The following SMARCA2 variants were observed in gnomAD, a reference collection of about 807,000 sequenced individuals.
The protein encoded by SMARCA2 is SWI/SNF-related matrix-associated actin-dependent regulator of chromatin subfamily A member 2.
In SMARCA2, 61 loss-of-function variants were observed where a neutral mutation model predicts 199.8. The observed-to-expected ratio is 0.31, with a 90% confidence interval of 0.25 to 0.38. The LOEUF (loss-of-function observed/expected upper bound fraction) is 0.38, where lower values mean the gene tolerates loss of function less well. SMARCA2 is among the 10% of genes least tolerant of loss of function. The probability of loss-of-function intolerance (pLI) is 1.00; values close to 1 mark genes in which losing one functional copy is unlikely to be tolerated. For missense variants in SMARCA2, 1,344 were observed against 2,012.2 expected (o/e 0.67, Z 6.35); for synonymous variants, 935 against 732.0 (o/e 1.28, Z -4.48).
At position 2,024,858 on chromosome 9, in the gene SMARCA2, A is replaced by G. The variant is rs114986271; in HGVS notation, c.-36-4129A>G. Among the ~76,000 whole-genome samples the G allele has an allele frequency of 2.4e-3, 359 of 152,298 alleles. 1 individual carries two copies. Among genetic ancestry groups the G allele is most frequent in the African/African-American group, 8.3e-3 (344 of 41,556 alleles). ...CTGCCTTATTGCCCTCATCTTTTCA[A>G]TGGCGTTGTGGCAAAATGTCTCTTC... On this transcript the variant is annotated intron_variant, in intron 1 of 33. Transcript: ENST00000349721.
intron 9 of SMARCA2, among the ~76,000 whole-genome samples, chr9:2,070,188 G>A (rs1821029666): frequency 6.6e-6 from 1 of 152,142 alleles, no homozygotes; most frequent in Non-Finnish European, 1.5e-5. Context: ...CAAATCTCTA[G>A]TGTGCTGGCC....
intron 27 of SMARCA2, among the ~76,000 whole-genome samples, chr9:2,152,088 G>A (rs1009801336): frequency 4.6e-5 from 7 of 152,212 alleles, no homozygotes; most frequent in African/African-American, 1.7e-4. Flanking sequence ...TGTCTCAGAA[G>A]TCACCATGAA....
At chr9:2,168,290 C>T (rs376740463) in intron 28 of SMARCA2, among the ~76,000 whole-genome samples, 1 of 152,240 alleles carries the variant, frequency 6.6e-6, no homozygotes, top group Admixed American at 6.5e-5. Context: ...GGATTACAGG[C>T]GTGAGCCACC....
intron 26 of SMARCA2, among the ~76,000 whole-genome samples, chr9:2,122,326 ATT>A (rs35426156): frequency 4.0e-4 from 60 of 150,586 alleles, no homozygotes; most frequent in African/African-American, 1.4e-3. Context: ...CATTAACAAA[ATT>A]TTTTTTTTTC....
chr9:2,174,272 G>C (rs1443717382), intron 29 of SMARCA2, among the ~76,000 whole-genome samples: 1 of 152,142 alleles, frequency 6.6e-6, no homozygotes, highest in African/African-American at 2.4e-5. Context: ...TTTTCTTACA[G>C]GGCTGACACA....
At chr9:2,066,596 C>G (rs1425464496) in intron 9 of SMARCA2, among the ~76,000 whole-genome samples, 2 of 152,168 alleles carry the variant, frequency 1.3e-5, no homozygotes, top group Admixed American at 1.3e-4. Flanking sequence ...GTTAATTATA[C>G]TCCTCCCTTC....
At position 2,110,553 on chromosome 9, in the gene SMARCA2, C is replaced by G. The variant is rs112108410; in HGVS notation, c.3456+136C>G. The G allele has an allele frequency of 1.9e-5, 12 of 637,518 alleles. No homozygotes were observed. The highest frequency in any genetic ancestry group is 1.5e-4 in the African/African-American group (8 of 54,010). The allele number at this position is 637,518 out of a possible 1,614,324, so 39.5% of individuals were successfully genotyped here. A position where few individuals can be genotyped will look rare whatever the true frequency, so the allele number is the denominator to read the frequency against. ...TGTTGCTTTCTTGGAGCCAATTCTT[C>G]TGGCTGTTTTCTTATCTCCCTTAGA... On this transcript the variant is annotated intron_variant, in intron 24 of 33. Coordinates refer to ENST00000349721, the MANE Select transcript of SMARCA2 (RefSeq NM_003070.5). The surrounding 1 kb of genome is among the most constrained non-coding windows in gnomAD (Gnocchi z 4.8).
intron 27 of SMARCA2, among the ~76,000 whole-genome samples, chr9:2,142,160 A>C (rs1824493509): frequency 6.6e-6 from 1 of 152,082 alleles, no homozygotes; most frequent in South Asian, 2.1e-4. Context: ...CCTTTGGGCT[A>C]GTGGGTGTTG....
At chr9:2,019,161 G>C (rs1818493099) in intron 1 of SMARCA2, among the ~76,000 whole-genome samples, 1 of 151,750 alleles carries the variant, frequency 6.6e-6, no homozygotes, top group Non-Finnish European at 1.5e-5. Flanking sequence ...CAACCCAGTA[G>C]ATCAGAGGTC....
At chr9:2,162,418 G>A (rs1825730437) in intron 28 of SMARCA2, among the ~76,000 whole-genome samples, 1 of 152,084 alleles carries the variant, frequency 6.6e-6, no homozygotes, top group Admixed American at 6.5e-5. Flanking sequence ...ATACCACATA[G>A]CATGGTCTTT....
intron 15 of SMARCA2, among the ~76,000 whole-genome samples, chr9:2,082,346 T>A (rs978965464): frequency 5.1e-4 from 76 of 148,174 alleles, no homozygotes; most frequent in African/African-American, 1.9e-3. Context: ...TGTGTGTGTG[T>A]GTGTGATTTC....
intron 27 of SMARCA2, among the ~76,000 whole-genome samples, chr9:2,132,381 C>T (rs1200241724): frequency 6.6e-6 from 1 of 152,190 alleles, no homozygotes; most frequent in Non-Finnish European, 1.5e-5. Context: ...TCTGTTTCTC[C>T]TGACAGCATT....
chr9:2,101,642 TAA>T, intron 22 of SMARCA2, 26 bp downstream of exon 22: 1 of 1,272,610 alleles, frequency 7.9e-7, no homozygotes, highest in Non-Finnish European at 1.1e-6. Context: ...TTTTTTCTTT[TAA>T]AAAAAAATGT....
chr9:2,059,686 G>A (rs1820501014), intron 8 of SMARCA2, among the ~76,000 whole-genome samples: 2 of 152,132 alleles, frequency 1.3e-5, no homozygotes, highest in Non-Finnish European at 2.9e-5. Context: ...ATAACCGAAA[G>A]CAATTAGAGT....
intron 27 of SMARCA2, among the ~76,000 whole-genome samples, chr9:2,156,494 A>G (rs1322739822): frequency 1.5e-5 from 2 of 135,718 alleles, no homozygotes; most frequent in African/African-American, 3.0e-5. Context: ...CAATGGCACA[A>G]TCTTGGCTAA....
At chr9:2,097,035 G>A (rs761892514) in intron 20 of SMARCA2, 26 of 503,214 alleles carry the variant, frequency 5.2e-5, no homozygotes, top group Non-Finnish European at 8.2e-5. Flanking sequence ...TAAGTGTGGG[G>A]TGGCATTTTA....
At chr9:2,177,743 G>C (rs1285251316) in intron 29 of SMARCA2, among the ~76,000 whole-genome samples, 1 of 151,942 alleles carries the variant, frequency 6.6e-6, no homozygotes, top group African/African-American at 2.4e-5. Context: ...GTAGAGAGGG[G>C]GTTTCTCCAT....
Position 2,176,182 on chromosome 9 carries a change from G to GTTTTTTT in SMARCA2, c.4254-5374_4254-5368dup, listed in dbSNP as rs56186732. 2.5e-3 allele frequency among the ~76,000 whole-genome samples: 262 copies of GTTTTTTT among 104,090 alleles called. 7 individuals carry two copies. Among genetic ancestry groups the GTTTTTTT allele is most frequent in the African/African-American group, 9.1e-3 (243 of 26,816 alleles). 68.3% of individuals were successfully genotyped at this position (104,090 alleles called of 152,430 possible). On this transcript the variant is annotated intron_variant, in intron 29 of 33. Transcript: ENST00000349721. The stretch of plus-strand genomic sequence containing the variant: ...AGGCATGAGCCACCGCGCCCGGCCT[G>GTTTTTTT]TTTTTTTTTTTTTTTTTTTTTATAA...
At chr9:2,082,541 C>T (rs565215527) in intron 15 of SMARCA2, among the ~76,000 whole-genome samples, 1 of 152,196 alleles carries the variant, frequency 6.6e-6, no homozygotes, top group African/African-American at 2.4e-5. Context: ...TTCGCCATTA[C>T]GTTCCCAGTG....
Sources: allele counts gnomAD v4.1 joint callset (sites outside exome capture counted in the v4.1 genomes callset), GRCh38; gene constraint gnomAD v4.1.1; non-coding constraint Gnocchi (gnomAD v3.1); transcripts MANE v1.5; gene names NCBI Gene and HGNC (gene_info 2026-07-23, HGNC 2026-07-21).